FAM240B: variants seen among roughly 807,000 people sequenced by gnomAD.
FAM240B encodes family with sequence similarity 240 member B, also known as protein FAM240B.
chr9:38,696,164 C>T (rs1253928749), intron 2 of FAM240B, among the ~76,000 whole-genome samples: 1 of 151,942 alleles, frequency 6.6e-6, no homozygotes, highest in Admixed American at 6.6e-5. Flanking sequence ...AGATAATATG[C>T]ACATATTACA....
At chr9:38,701,203 T>C (rs1157761969) in intron 2 of FAM240B, among the ~76,000 whole-genome samples, 2 of 152,082 alleles carry the variant, frequency 1.3e-5, no homozygotes, top group Non-Finnish European at 2.9e-5. Context: ...TTGCGTATAG[T>C]GGAGTTGGGG....
At chr9:38,718,193 G>C (rs977931405) in intron 1 of FAM240B, among the ~76,000 whole-genome samples, 1 of 152,152 alleles carries the variant, frequency 6.6e-6, no homozygotes, top group African/African-American at 2.4e-5. Context: ...ATGGACATTT[G>C]AATTAATTCC....
intron 1 of FAM240B, among the ~76,000 whole-genome samples, chr9:38,717,395 AG>A (rs1047708997): frequency 2.0e-5 from 3 of 152,014 alleles, no homozygotes; most frequent in Non-Finnish European, 4.4e-5. Context: ...CCTGGCCAAC[AG>A]GGTGAAACCC....
At chr9:38,695,779 C>G (rs914694784) in intron 2 of FAM240B, among the ~76,000 whole-genome samples, 1 of 152,196 alleles carries the variant, frequency 6.6e-6, no homozygotes, top group African/African-American at 2.4e-5. Context: ...TGTTGAAGGA[C>G]TCACACTACC....
intron 1 of FAM240B, among the ~76,000 whole-genome samples, chr9:38,711,589 T>A (rs542338732): frequency 6.6e-6 from 1 of 152,238 alleles, no homozygotes; most frequent in East Asian, 1.9e-4. Context: ...TAACACCTTT[T>A]CAGAAAACAT....
chr9:38,696,216 C>A (rs1351625725), intron 2 of FAM240B, among the ~76,000 whole-genome samples: 2 of 152,122 alleles, frequency 1.3e-5, no homozygotes, highest in Non-Finnish European at 2.9e-5. Flanking sequence ...AAAATTGATT[C>A]ACTTTCATCT....
At chr9:38,696,750 G>T (rs1821074702) in intron 2 of FAM240B, among the ~76,000 whole-genome samples, 1 of 152,086 alleles carries the variant, frequency 6.6e-6, no homozygotes, top group African/African-American at 2.4e-5. Flanking sequence ...GGAGGCGGAG[G>T]TTGCAGTGAG....
intron 2 of FAM240B, among the ~76,000 whole-genome samples, chr9:38,696,853 C>A (rs1293610940): frequency 6.6e-6 from 1 of 152,114 alleles, no homozygotes; most frequent in African/African-American, 2.4e-5. Flanking sequence ...GCTTATATGA[C>A]CTTCTACTTT....
At chr9:38,694,988 C>T (rs1821052392) in intron 2 of FAM240B, 119 bp from the exon 3 acceptor site, 2 of 395,446 alleles carry the variant, frequency 5.1e-6, no homozygotes, top group Non-Finnish European at 8.9e-6. Flanking sequence ...ATTGTGTGTT[C>T]CCCTCCCTGT....
At chr9:38,713,308 C>T (rs1044392426) in intron 1 of FAM240B, among the ~76,000 whole-genome samples, 1 of 151,984 alleles carries the variant, frequency 6.6e-6, no homozygotes. Context: ...GAAACCCCAT[C>T]TCTACTAAAA....
At chr9:38,717,323 G>A (rs1334390829) in intron 1 of FAM240B, among the ~76,000 whole-genome samples, 1 of 152,154 alleles carries the variant, frequency 6.6e-6, no homozygotes, top group African/African-American at 2.4e-5. Flanking sequence ...GCTCACGCCT[G>A]TAATCCCGGC....
chr9:38,699,257 GTCATAA>G (rs1388137435), intron 2 of FAM240B, among the ~76,000 whole-genome samples: 8 of 152,228 alleles, frequency 5.3e-5, no homozygotes, highest in Non-Finnish European at 1.0e-4. Context: ...AGACTCTTAA[GTCATAA>G]TCATAATGTT....
chr9:38,713,472 C>T (rs1415589939), intron 1 of FAM240B, among the ~76,000 whole-genome samples: 4 of 76,900 alleles, frequency 5.2e-5, no homozygotes, highest in African/African-American at 1.0e-4. Flanking sequence ...AGTGAGACTC[C>T]GTTTCAAACA....
intron 1 of FAM240B, among the ~76,000 whole-genome samples, chr9:38,711,560 T>C (rs1821254836): frequency 6.6e-6 from 1 of 152,194 alleles, no homozygotes; most frequent in African/African-American, 2.4e-5. Flanking sequence ...GTGGGAGTGC[T>C]CTCCTTAGTT....
intron 1 of FAM240B, among the ~76,000 whole-genome samples, chr9:38,719,388 T>C (rs546354369): frequency 2.8e-4 from 42 of 152,298 alleles, no homozygotes; most frequent in African/African-American, 8.9e-4. Flanking sequence ...TAACTTACAC[T>C]TAAAGAGTGC....
intron 1 of FAM240B, among the ~76,000 whole-genome samples, chr9:38,710,747 G>C (rs1821245621): frequency 6.6e-6 from 1 of 152,202 alleles, no homozygotes; most frequent in Non-Finnish European, 1.5e-5. Context: ...CTGCAGGTCT[G>C]TGGTCTCTGG....
At chr9:38,695,287 G>A (rs947418400) in intron 2 of FAM240B, among the ~76,000 whole-genome samples, 1 of 152,248 alleles carries the variant, frequency 6.6e-6, no homozygotes, top group African/African-American at 2.4e-5. Context: ...GGGAGGCCGA[G>A]GCGGGCGGAT....
intron 2 of FAM240B, among the ~76,000 whole-genome samples, chr9:38,695,723 T>C (rs1160089798): frequency 6.6e-6 from 1 of 152,184 alleles, no homozygotes; most frequent in Admixed American, 6.5e-5. Context: ...CCAACTTCTA[T>C]ATGGAAAGGC....
At chr9:38,711,310 G>A (rs1821253102) in intron 1 of FAM240B, among the ~76,000 whole-genome samples, 1 of 152,206 alleles carries the variant, frequency 6.6e-6, no homozygotes, top group South Asian at 2.1e-4. Flanking sequence ...GCTTCCACAG[G>A]TGCAGGGGAC....
Sources: allele counts gnomAD v4.1 joint callset (sites outside exome capture counted in the v4.1 genomes callset), GRCh38; gene constraint gnomAD v4.1.1; transcripts MANE v1.5; gene names NCBI Gene and HGNC (gene_info 2026-07-23, HGNC 2026-07-21).